Variants in IGSF5 observed in about 807,000 individuals in gnomAD.
IGSF5 encodes immunoglobulin superfamily member 5.
Under a neutral mutation model 39.4 loss-of-function variants are expected in IGSF5, and 41 were observed. The observed-to-expected ratio is 1.04, with a 90% CI of 0.81 to 1.35. The LOEUF (loss-of-function observed/expected upper bound fraction) is 1.35, where lower values mean the gene tolerates loss of function less well. Among genes scored for constraint, IGSF5 ranks in the 40% most tolerant of loss-of-function variants. IGSF5 has a pLI of 0.00. For missense variants in IGSF5, 487 were observed against 494.6 expected, an observed-to-expected ratio of 0.98 and a Z score of 0.15; for synonymous variants, 183 against 175.3, an observed-to-expected ratio of 1.04 and a Z score of -0.34.
the IGSF5 span, among the ~76,000 whole-genome samples, chr21:39,736,484 A>G: frequency 6.6e-6 from 1 of 152,202 alleles, no homozygotes; most frequent in African/African-American, 2.4e-5. Flanking sequence ...AGTCTCTCCC[A>G]GGACTGTACA....
intron 8 of IGSF5, among the ~76,000 whole-genome samples, chr21:39,794,874 G>A (rs888809484): frequency 6.6e-6 from 1 of 152,060 alleles, no homozygotes; most frequent in Non-Finnish European, 1.5e-5. Flanking sequence ...GGAGCTCTGG[G>A]CAATAATATT....
intron 2 of IGSF5, among the ~76,000 whole-genome samples, chr21:39,754,376 C>G (rs901109866): frequency 6.6e-6 from 1 of 152,218 alleles, no homozygotes; most frequent in African/African-American, 2.4e-5. Flanking sequence ...TCCCACCAAC[C>G]TTGAGCAGGC....
intron 2 of IGSF5, among the ~76,000 whole-genome samples, 173 bp from the exon 3 acceptor site, chr21:39,765,362 C>T (rs971025696): frequency 6.6e-6 from 1 of 152,128 alleles, no homozygotes; most frequent in Non-Finnish European, 1.5e-5. Context: ...TGGCTTCCAC[C>T]GGAAGCACCT....
the IGSF5 span, among the ~76,000 whole-genome samples, chr21:39,740,166 G>T: frequency 6.6e-6 from 1 of 152,330 alleles, no homozygotes; most frequent in African/African-American, 2.4e-5. Context: ...GAATACTGGG[G>T]CTTGGTTTCC....
chr21:39,753,678 T>G (rs2080016424), intron 2 of IGSF5, among the ~76,000 whole-genome samples: 1 of 152,198 alleles, frequency 6.6e-6, no homozygotes, highest in Non-Finnish European at 1.5e-5. Flanking sequence ...GCATATAAAT[T>G]TAGGATTGTA....
chr21:39,778,916 C>G (rs1233804049), intron 4 of IGSF5, among the ~76,000 whole-genome samples, 174 bp from the exon 5 acceptor site: 1 of 152,138 alleles, frequency 6.6e-6, no homozygotes, highest in Non-Finnish European at 1.5e-5. Context: ...ATGGAAGGTA[C>G]TGTAGAGTAT....
chr21:39,779,733 A>T (rs1399312879), intron 5 of IGSF5, among the ~76,000 whole-genome samples: 1 of 152,220 alleles, frequency 6.6e-6, no homozygotes, highest in Non-Finnish European at 1.5e-5. Context: ...AAAAGAAGAA[A>T]ATCTTGTCCT....
At chr21:39,723,595 A>AGAGT in the IGSF5 span, among the ~76,000 whole-genome samples, 1 of 152,212 alleles carries the variant, frequency 6.6e-6, no homozygotes, top group Non-Finnish European at 1.5e-5. Context: ...GAGAGGTCAC[A>AGAGT]GAGTGGGTCA....
At chr21:39,789,621 T>C (rs1363878080) in intron 6 of IGSF5, among the ~76,000 whole-genome samples, 1 of 152,188 alleles carries the variant, frequency 6.6e-6, no homozygotes, top group Non-Finnish European at 1.5e-5. Context: ...TATAGTTGTA[T>C]GTTTATTATG....
chr21:39,711,811 G>A, the IGSF5 span, among the ~76,000 whole-genome samples: 155 of 152,238 alleles, frequency 1.0e-3, no homozygotes, highest in African/African-American at 3.4e-3. Flanking sequence ...GAGATTACAG[G>A]CGTGAGCCAC....
chr21:39,737,405 T>C, the IGSF5 span, among the ~76,000 whole-genome samples: 2 of 152,036 alleles, frequency 1.3e-5, no homozygotes, highest in Non-Finnish European at 2.9e-5. Context: ...ACAGCTCAGA[T>C]CCCACAGGGC....
At chr21:39,784,346 G>C (rs1415107323) in intron 5 of IGSF5, among the ~76,000 whole-genome samples, 1 of 152,076 alleles carries the variant, frequency 6.6e-6, no homozygotes, top group Non-Finnish European at 1.5e-5. Flanking sequence ...AGAAATTCTG[G>C]TTATTTGTAC....
the IGSF5 span, among the ~76,000 whole-genome samples, chr21:39,737,020 T>C: frequency 1.3e-5 from 2 of 152,186 alleles, no homozygotes; most frequent in Non-Finnish European, 2.9e-5. Context: ...TGACTTATGC[T>C]AGGCCTGCAG....
At position 39,765,933 on chromosome 21, in the gene IGSF5, A is replaced by G; in HGVS notation, c.418+81A>G. On this transcript the variant is annotated intron_variant, in intron 3 of 8. Transcript: ENST00000380588. ...GGACCTTCTAAAGTTCATGCCGCGT[A>G]TGATGGCAGACGTGGTCTACCTTCA... 2.4e-6 allele frequency: 3 copies of G among 1,270,664 alleles called. No homozygotes were observed. The Admixed American group carries it at 6.2e-5, about 26-fold the overall frequency. The allele number at this position is 1,270,664 out of a possible 1,614,324, so 78.7% of individuals were successfully genotyped here.
chr21:39,743,473 A>T (rs1165615380), upstream of IGSF5, among the ~76,000 whole-genome samples: 1 of 152,240 alleles, frequency 6.6e-6, no homozygotes, highest in African/African-American at 2.4e-5. Flanking sequence ...AAAAAGTTAC[A>T]TGCACTCTGG....
At chr21:39,790,319 G>T (rs1174935256) in intron 6 of IGSF5, among the ~76,000 whole-genome samples, 2 of 152,046 alleles carry the variant, frequency 1.3e-5, no homozygotes, top group East Asian at 3.9e-4. Context: ...TTTACCTTTT[G>T]CTTTAAATGG....
the IGSF5 span, among the ~76,000 whole-genome samples, chr21:39,717,038 C>T: frequency 2.0e-5 from 3 of 152,128 alleles, no homozygotes; most frequent in African/African-American, 7.2e-5. Context: ...TAGTAATAGC[C>T]ATTCTGACTT....
chr21:39,752,382 A>AT (rs1341775773), intron 2 of IGSF5, among the ~76,000 whole-genome samples: 1 of 152,088 alleles, frequency 6.6e-6, no homozygotes, highest in Non-Finnish European at 1.5e-5. Flanking sequence ...TCCATGGTGT[A>AT]TATATACCGC....
the IGSF5 span, chr21:39,722,373 T>C: frequency 6.6e-6 from 1 of 152,220 alleles, no homozygotes; most frequent in Non-Finnish European, 1.5e-5. Flanking sequence ...TGAAGTAAGC[T>C]GTTGCCATGT....
Sources: gnomAD v4.1 joint callset for allele counts (sites outside exome capture counted in the v4.1 genomes callset) on GRCh38, gnomAD v4.1.1 for gene constraint, MANE v1.5 for transcripts, NCBI Gene and HGNC (gene_info 2026-07-23, HGNC 2026-07-21) for gene names.